IRAK1BP1: variants seen among roughly 807,000 people sequenced by gnomAD.
The protein encoded by IRAK1BP1 is interleukin 1 receptor associated kinase 1 binding protein 1, also known as interleukin-1 receptor-associated kinase 1-binding protein 1.
Under a neutral mutation model 28.0 loss-of-function variants are expected in IRAK1BP1, and 24 were observed. The observed-to-expected ratio is 0.86, with a 90% CI of 0.62 to 1.20. IRAK1BP1 has a LOEUF of 1.20. Among genes scored for constraint, IRAK1BP1 ranks in the 50% most tolerant of loss-of-function variants. The probability of loss-of-function intolerance (pLI) is 0.00; values close to 1 mark genes in which losing one functional copy is unlikely to be tolerated. For synonymous variants in IRAK1BP1, 131 were observed against 116.3 expected (o/e 1.13, Z -0.81); for missense variants, 336 against 316.7 (o/e 1.06, Z -0.46).
At chr6:78,884,434 T>C (rs1771339827) in intron 1 of IRAK1BP1, among the ~76,000 whole-genome samples, 3 of 152,032 alleles carry the variant, frequency 2.0e-5, no homozygotes, top group African/African-American at 7.2e-5. Context: ...GGAAAGTAAA[T>C]AAGAAATTCA....
At chr6:78,961,265 TAAG>T in the IRAK1BP1 span, among the ~76,000 whole-genome samples, 16 of 151,970 alleles carry the variant, frequency 1.1e-4, no homozygotes, top group East Asian at 1.9e-3. Context: ...ACAGGCAAAA[TAAG>T]AACAAAATAC....
intron 1 of IRAK1BP1, among the ~76,000 whole-genome samples, chr6:78,877,952 G>C (rs1052632774): frequency 6.6e-6 from 1 of 151,054 alleles, no homozygotes; most frequent in East Asian, 2.0e-4. Context: ...GAGGGGCTCC[G>C]CCATTGCTGA....
At chr6:78,970,787 C>T in the IRAK1BP1 span, 1 of 1,592,446 alleles carries the variant, frequency 6.3e-7, no homozygotes, top group Admixed American at 1.7e-5. Context: ...ATACCCGTAG[C>T]TCCATTTTAT....
chr6:78,968,932 G>A, the IRAK1BP1 span, among the ~76,000 whole-genome samples: 2 of 152,280 alleles, frequency 1.3e-5, no homozygotes, highest in South Asian at 4.1e-4. Context: ...GACCTGCTAG[G>A]TAGCTGCTAT....
chr6:78,920,994 G>A (rs1772708464), intron 4 of IRAK1BP1, among the ~76,000 whole-genome samples: 2 of 152,200 alleles, frequency 1.3e-5, no homozygotes, highest in Non-Finnish European at 2.9e-5. Flanking sequence ...AGCTCCTAGT[G>A]TGAGTGACAC....
intron 4 of IRAK1BP1, chr6:78,939,469 T>C (rs898060180): frequency 6.6e-6 from 1 of 151,806 alleles, no homozygotes; most frequent in Non-Finnish European, 1.5e-5. Context: ...AAATAACCAA[T>C]TTCCCCCTTA....
downstream of IRAK1BP1, chr6:78,947,610 T>G (rs775855546): frequency 7.9e-6 from 10 of 1,262,484 alleles, no homozygotes; most frequent in South Asian, 5.4e-5. Context: ...AAGAAAATAA[T>G]GTAATTATAT....
At position 78,902,735 on chromosome 6, in the gene IRAK1BP1, C is replaced by A. The variant is rs1772145589; in HGVS notation, c.*4401C>A. On this transcript the variant is annotated 3_prime_UTR_variant, in exon 4 of 4. Transcript: ENST00000369940. ...ACAGTGAGCCGAGATCGCACCACTG[C>A]ACTTCAGCCTGGGTGACAAAGTGAG... 1 of 344,904 alleles carries A rather than the reference C, an allele frequency of 2.9e-6. No homozygotes were observed. The highest frequency in any genetic ancestry group is 4.5e-5 in the Admixed American group (1 of 22,408). The allele number at this position is 344,904 out of a possible 1,614,324, so 21.4% of individuals were successfully genotyped here.
exon 5 of IRAK1BP1, chr6:78,946,370 A>C: frequency 7.1e-7 from 1 of 1,404,908 alleles, no homozygotes; most frequent in Non-Finnish European, 9.5e-7. Context: ...ATATGTTAAA[A>C]TATGAGATTT....
rs1158008830 is a variant in IRAK1BP1 at position 78,902,729 on chromosome 6, C to T, written c.*4395C>T. On this transcript the variant is annotated 3_prime_UTR_variant, in exon 4 of 4. Transcript: ENST00000369940. ...GAGCTTACAGTGAGCCGAGATCGCACCACTGCACTTCAGCCTGGGTGACAA... is the reference window on the plus strand; with the variant it reads ...GAGCTTACAGTGAGCCGAGATCGCATCACTGCACTTCAGCCTGGGTGACAA... 1 of 338,008 alleles carries T rather than the reference C, an allele frequency of 3.0e-6. No individual in the cohort carries two copies. The highest frequency in any genetic ancestry group is 5.4e-6 in the Non-Finnish European group (1 of 185,220). 20.9% of individuals were successfully genotyped at this position (338,008 alleles called of 1,614,324 possible).
At chr6:78,870,574 T>C (rs2127664163) in intron 1 of IRAK1BP1, among the ~76,000 whole-genome samples, 1 of 152,348 alleles carries the variant, frequency 6.6e-6, no homozygotes, top group South Asian at 2.1e-4. Flanking sequence ...AGATCATAGA[T>C]TTATGAACTT....
the IRAK1BP1 span, chr6:78,966,178 C>T: frequency 1.6e-6 from 1 of 624,334 alleles, no homozygotes; most frequent in Non-Finnish European, 2.9e-6. Context: ...AAAAAGTGAA[C>T]CACAAACTCC....
chr6:78,910,644 G>A (rs1772380669), intron 4 of IRAK1BP1, among the ~76,000 whole-genome samples: 1 of 152,242 alleles, frequency 6.6e-6, no homozygotes, highest in African/African-American at 2.4e-5. Flanking sequence ...CGGCGCGGAG[G>A]GCGGAGCCTT....
At chr6:78,895,646 AT>A (rs1431719242) in intron 2 of IRAK1BP1, among the ~76,000 whole-genome samples, 2 of 152,206 alleles carry the variant, frequency 1.3e-5, no homozygotes. Context: ...AAATCACATG[AT>A]TATCTCAATA....
At chr6:78,903,804 C>T (rs951418638), downstream of IRAK1BP1, among the ~76,000 whole-genome samples, 17 of 152,096 alleles carry the variant, frequency 1.1e-4, no homozygotes, top group African/African-American at 4.1e-4. Context: ...ATTCTGTCTC[C>T]TATCCTGCTC....
chr6:78,920,885 C>G (rs1357128633), intron 4 of IRAK1BP1, among the ~76,000 whole-genome samples: 1 of 152,128 alleles, frequency 6.6e-6, no homozygotes, highest in Non-Finnish European at 1.5e-5. Flanking sequence ...GCAAACTATG[C>G]ATCTGAAAAA....
chr6:78,924,849 C>G (rs1437474522), intron 4 of IRAK1BP1, among the ~76,000 whole-genome samples: 1 of 152,112 alleles, frequency 6.6e-6, no homozygotes, highest in African/African-American at 2.4e-5. Flanking sequence ...AATCATGTTG[C>G]TATAAAGAGA....
chr6:78,926,936 C>A (rs975773539), intron 4 of IRAK1BP1, among the ~76,000 whole-genome samples: 1 of 152,068 alleles, frequency 6.6e-6, no homozygotes, highest in Admixed American at 6.6e-5. Context: ...ATTTTGTTAT[C>A]CATTCATTTG....
At chr6:78,924,298 A>C (rs1279678967) in intron 4 of IRAK1BP1, among the ~76,000 whole-genome samples, 2 of 152,212 alleles carry the variant, frequency 1.3e-5, no homozygotes, top group Admixed American at 6.5e-5. Context: ...CCTCTACGCA[A>C]ATAAACTAGA....
Sources: allele counts gnomAD v4.1 joint callset (sites outside exome capture counted in the v4.1 genomes callset), GRCh38; gene constraint gnomAD v4.1.1; transcripts MANE v1.5; gene names NCBI Gene and HGNC (gene_info 2026-07-23, HGNC 2026-07-21).